RIMS2: variants seen among roughly 807,000 people sequenced by gnomAD.
The protein encoded by RIMS2 is regulating synaptic membrane exocytosis protein 2.
RIMS2 carries 59 observed loss-of-function variants against 174.4 expected under a neutral mutation model. The ratio of observed to expected loss-of-function variants is 0.34; its 90% CI spans 0.27 to 0.42. The LOEUF (loss-of-function observed/expected upper bound fraction) is 0.42. RIMS2 is among the 10% of genes least tolerant of loss of function. RIMS2 has a pLI of 1.00. For synonymous variants in RIMS2, 606 were observed against 572.5 expected (o/e 1.06, Z -0.84); for missense variants, 1,620 against 1,666.3 (o/e 0.97, Z 0.48).
intron 19 of RIMS2, among the ~76,000 whole-genome samples, chr8:104,079,622 TA>T (rs1206209647): frequency 7.5e-6 from 1 of 133,266 alleles, no homozygotes; most frequent in African/African-American, 2.8e-5. Flanking sequence ...TATATATATA[TA>T]TATATATATA....
intron 19 of RIMS2, among the ~76,000 whole-genome samples, chr8:104,143,483 G>A (rs2098602760): frequency 6.6e-6 from 1 of 152,136 alleles, no homozygotes; most frequent in South Asian, 2.1e-4. Context: ...GATGAAGTAT[G>A]AGTTATAGTA....
chr8:104,011,239 T>C (rs1470807579), intron 17 of RIMS2, among the ~76,000 whole-genome samples: 2 of 152,140 alleles, frequency 1.3e-5, no homozygotes, highest in African/African-American at 4.8e-5. Context: ...AAGTTTAAAA[T>C]GTGGTAGCTT....
intron 19 of RIMS2, among the ~76,000 whole-genome samples, chr8:104,187,782 C>A (rs1193587473): frequency 1.3e-5 from 2 of 151,590 alleles, no homozygotes; most frequent in African/African-American, 4.8e-5. Context: ...AGTGGTAAGA[C>A]CTTCCAAACT....
chr8:104,178,788 A>ATT (rs1286260619), intron 19 of RIMS2, among the ~76,000 whole-genome samples: 285 of 152,290 alleles, frequency 1.9e-3, no homozygotes, highest in African/African-American at 6.4e-3. Flanking sequence ...GGAATTAAGA[A>ATT]AAAGTTTGTA....
At chr8:103,761,785 C>T (rs973150974) in intron 2 of RIMS2, among the ~76,000 whole-genome samples, 2 of 152,164 alleles carry the variant, frequency 1.3e-5, no homozygotes, top group African/African-American at 4.8e-5. Flanking sequence ...CTGACAAATG[C>T]ACACATATTT....
At chr8:104,150,687 CATAAAA>C (rs1442541347) in intron 19 of RIMS2, among the ~76,000 whole-genome samples, 1 of 152,094 alleles carries the variant, frequency 6.6e-6, no homozygotes, top group Non-Finnish European at 1.5e-5. Context: ...ATAATTTTAA[CATAAAA>C]TATTGGACTA....
chr8:103,795,067 G>A (rs185399048), intron 3 of RIMS2, among the ~76,000 whole-genome samples: 1 of 151,924 alleles, frequency 6.6e-6, no homozygotes, highest in Non-Finnish European at 1.5e-5. Context: ...CCATTTGACC[G>A]AGCCATCCCA....
intron 4 of RIMS2, among the ~76,000 whole-genome samples, chr8:103,890,275 C>T (rs895427007): frequency 1.3e-5 from 2 of 151,934 alleles, no homozygotes; most frequent in Non-Finnish European, 1.5e-5. Context: ...AAAGAGTATG[C>T]TTAACTTGTT....
intron 19 of RIMS2, among the ~76,000 whole-genome samples, chr8:104,076,741 T>C (rs1348260273): frequency 6.6e-6 from 1 of 152,130 alleles, no homozygotes; most frequent in Non-Finnish European, 1.5e-5. Context: ...GCAAGTTACT[T>C]AACATTCTTG....
At chr8:104,057,799 A>G (rs1428237500) in intron 19 of RIMS2, among the ~76,000 whole-genome samples, 2 of 137,980 alleles carry the variant, frequency 1.4e-5, no homozygotes, top group African/African-American at 2.7e-5. Context: ...ATTCCCACCT[A>G]TGAGTGAGAA....
At chr8:103,849,561 G>A (rs2098986263) in intron 3 of RIMS2, among the ~76,000 whole-genome samples, 1 of 151,942 alleles carries the variant, frequency 6.6e-6, no homozygotes, top group African/African-American at 2.4e-5. Flanking sequence ...TTCCTTTGAA[G>A]CAAGGGTGGC....
chr8:103,978,697 G>A (rs1322649335), intron 16 of RIMS2, among the ~76,000 whole-genome samples: 1 of 152,196 alleles, frequency 6.6e-6, no homozygotes, highest in South Asian at 2.1e-4. Context: ...TTAAAGATAG[G>A]AAGCAACAAC....
At chr8:103,736,179 G>C (rs1186219080) in intron 2 of RIMS2, among the ~76,000 whole-genome samples, 1 of 152,140 alleles carries the variant, frequency 6.6e-6, no homozygotes, top group Non-Finnish European at 1.5e-5. Context: ...AGTCATACTT[G>C]TTGTAATGTG....
chr8:104,222,779 C>G (rs1355635715), intron 19 of RIMS2, among the ~76,000 whole-genome samples: 1 of 152,290 alleles, frequency 6.6e-6, no homozygotes, highest in Admixed American at 6.5e-5. Flanking sequence ...CTTAGCCATA[C>G]TGGGTAGATT....
intron 16 of RIMS2, among the ~76,000 whole-genome samples, chr8:103,980,332 A>G (rs2093790228): frequency 1.3e-5 from 2 of 152,144 alleles, no homozygotes; most frequent in South Asian, 4.1e-4. Flanking sequence ...AACATGGGCT[A>G]AAAGGAAGTT....
intron 3 of RIMS2, among the ~76,000 whole-genome samples, chr8:103,851,644 TAC>T (rs10529078): frequency 0.18 from 24,613 of 136,126 alleles, 2,437 homozygotes; most frequent in East Asian, 0.41. Context: ...GAATGCTATG[TAC>T]ACACACACAC....
At chr8:103,676,900 C>T (rs1453323003) in intron 1 of RIMS2, among the ~76,000 whole-genome samples, 1 of 152,146 alleles carries the variant, frequency 6.6e-6, no homozygotes, top group Non-Finnish European at 1.5e-5. Context: ...AGGAGAATAG[C>T]TTGAACCCAG....
exon 18 of RIMS2, chr8:104,013,559 C>T (rs2095822401): frequency 6.2e-7 from 1 of 1,613,746 alleles, no homozygotes; most frequent in Non-Finnish European, 8.5e-7. Flanking sequence ...ATACAAACCT[C>T]ATGAGGTCGA....
At chr8:103,886,284 T>C (rs2099200731) in intron 4 of RIMS2, 61 bp downstream of exon 7, 1 of 1,403,970 alleles carries the variant, frequency 7.1e-7, no homozygotes, top group Non-Finnish European at 9.6e-7. Flanking sequence ...TTTTAATAGA[T>C]TGCATTTCTG....
Sources: allele counts gnomAD v4.1 joint callset (sites outside exome capture counted in the v4.1 genomes callset), GRCh38; gene constraint gnomAD v4.1.1; transcripts MANE v1.5; gene names NCBI Gene and HGNC (gene_info 2026-07-23, HGNC 2026-07-21).